EEFSEC: variants seen among roughly 807,000 people sequenced by gnomAD.
EEFSEC encodes selenocysteine-specific elongation factor.
Under a neutral mutation model 42.1 loss-of-function variants are expected in EEFSEC, and 43 were observed. The ratio of observed to expected loss-of-function variants is 1.02; its 90% CI spans 0.80 to 1.32. The LOEUF is 1.32. Among genes scored for constraint, EEFSEC ranks in the 40% most tolerant of loss-of-function variants. EEFSEC has a pLI of 0.00. For synonymous variants in EEFSEC, 354 were observed against 339.1 expected (o/e 1.04, Z -0.48); for missense variants, 745 against 803.6 (o/e 0.93, Z 0.88).
intron 6 of EEFSEC, among the ~76,000 whole-genome samples, chr3:128,363,886 G>A (rs973306721): frequency 6.6e-6 from 1 of 152,214 alleles, no homozygotes. Flanking sequence ...CTGGTGCTTT[G>A]TGTGCTACAG....
chr3:128,424,978 A>G, the EEFSEC span, among the ~76,000 whole-genome samples: 2 of 152,044 alleles, frequency 1.3e-5, no homozygotes, highest in African/African-American at 2.4e-5. Flanking sequence ...CTCACCAAGC[A>G]GGTAGGACTG....
chr3:128,233,830 T>C (rs2065982287), intron 1 of EEFSEC, among the ~76,000 whole-genome samples: 1 of 152,194 alleles, frequency 6.6e-6, no homozygotes, highest in Admixed American at 6.5e-5. Context: ...GCTGTGTGAC[T>C]GAGGGCAAGT....
intron 6 of EEFSEC, among the ~76,000 whole-genome samples, chr3:128,369,841 G>A (rs1276994443): frequency 6.6e-6 from 1 of 152,178 alleles, no homozygotes; most frequent in East Asian, 1.9e-4. Flanking sequence ...TGTGCGCCGA[G>A]CCGACTGAGG....
At chr3:128,230,577 C>T (rs2065950591) in intron 1 of EEFSEC, among the ~76,000 whole-genome samples, 1 of 152,210 alleles carries the variant, frequency 6.6e-6, no homozygotes, top group Non-Finnish European at 1.5e-5. Flanking sequence ...TCATAATGAT[C>T]ACTTTCATGA....
At chr3:128,346,264 T>A (rs2067311367) in intron 5 of EEFSEC, among the ~76,000 whole-genome samples, 1 of 152,256 alleles carries the variant, frequency 6.6e-6, no homozygotes, top group Non-Finnish European at 1.5e-5. Context: ...TGGATTCTTC[T>A]TTCAGCTGCT....
chr3:128,348,295 T>TGTGTGTGTGTGTGTGTGTGTGTGTGC (rs2067341485), intron 5 of EEFSEC, among the ~76,000 whole-genome samples: 1 of 150,224 alleles, frequency 6.7e-6, no homozygotes, highest in East Asian at 1.9e-4. Flanking sequence ...TGTGTGTGCG[T>TGTGTGTGTGTGTGTGTGTGTGTGTGC]GTGTGTGTGT....
chr3:128,164,762 C>T lies in EEFSEC; in HGVS notation c.316+10939C>T, dbSNP rs371350947. 6.6e-5 allele frequency among the ~76,000 whole-genome samples: 10 copies of T among 152,062 alleles called. No individual in the cohort carries two copies. In the East Asian group the frequency reaches 9.7e-4, roughly 15 times the overall value. On this transcript the variant is annotated intron_variant, in intron 1 of 6. Coordinates refer to ENST00000254730, the MANE Select transcript of EEFSEC (RefSeq NM_021937.5). ...CAGGCCAAGCTTCCAGAGGGTAGCC[C>T]GGACCAGATCTCAGGAGCCGGGAGA...
intron 5 of EEFSEC, among the ~76,000 whole-genome samples, chr3:128,344,713 G>A (rs1256749584): frequency 3.9e-5 from 6 of 152,216 alleles, no homozygotes; most frequent in Non-Finnish European, 8.8e-5. Flanking sequence ...GGTGGAACTT[G>A]GAGATCATAC....
At chr3:128,319,131 T>C (rs1380677395) in intron 4 of EEFSEC, among the ~76,000 whole-genome samples, 1 of 152,216 alleles carries the variant, frequency 6.6e-6, no homozygotes, top group Non-Finnish European at 1.5e-5. Context: ...TCATGTTAAG[T>C]GCCATTCCTT....
At position 128,312,570 on chromosome 3, in the gene EEFSEC, G is replaced by A. The variant is rs143850976; in HGVS notation, c.787-28663G>A. 1.9e-3 allele frequency among the ~76,000 whole-genome samples: 295 copies of A among 152,380 alleles called. 3 individuals are homozygous for A. Among genetic ancestry groups the A allele is most frequent in the African/African-American group, 6.5e-3 (271 of 41,598 alleles). On this transcript the variant is annotated intron_variant, in intron 4 of 6. Coordinates refer to ENST00000254730, the MANE Select transcript of EEFSEC (RefSeq NM_021937.5). The stretch of plus-strand genomic sequence containing the variant: ...TCACCCTCCAAGGAAGGACAGAGGC[G>A]TCCATGGTTGTTGAAAAGCGGAATG...
At chr3:128,227,366 A>G (rs2065918710) in intron 1 of EEFSEC, among the ~76,000 whole-genome samples, 1 of 150,790 alleles carries the variant, frequency 6.6e-6, no homozygotes, top group African/African-American at 2.5e-5. Context: ...ACAATTTCTT[A>G]GGTCCACTCT....
chr3:128,164,537 G>A (rs1235055140), intron 1 of EEFSEC, among the ~76,000 whole-genome samples: 1 of 152,212 alleles, frequency 6.6e-6, no homozygotes, highest in Non-Finnish European at 1.5e-5. Flanking sequence ...TGGTCAGGGT[G>A]GCTGGCACTT....
intron 3 of EEFSEC, 101 bp from the exon 4 acceptor site, chr3:128,264,507 ACCTTGGCAG>A: frequency 7.7e-7 from 1 of 1,302,750 alleles, no homozygotes; most frequent in East Asian, 2.3e-5. Context: ...AGCTGAGTTC[ACCTTGGCAG>A]CCTTGATGAA....
At chr3:128,265,712 A>G (rs765546871) in intron 4 of EEFSEC, among the ~76,000 whole-genome samples, 1 of 152,176 alleles carries the variant, frequency 6.6e-6, no homozygotes, top group Non-Finnish European at 1.5e-5. Context: ...TTAATTGGGA[A>G]TGGCTACCTG....
chr3:128,422,075 C>G, the EEFSEC span, among the ~76,000 whole-genome samples: 1 of 152,296 alleles, frequency 6.6e-6, no homozygotes, highest in Non-Finnish European at 1.5e-5. Flanking sequence ...CCAGAGCCAT[C>G]TCTGAACCCT....
chr3:128,162,251 G>C (rs1227229961), intron 1 of EEFSEC, among the ~76,000 whole-genome samples: 1 of 152,168 alleles, frequency 6.6e-6, no homozygotes, highest in African/African-American at 2.4e-5. Flanking sequence ...ACCATAACTA[G>C]AAGATTCTAC....
chr3:128,190,817 CT>C (rs2065516085), intron 1 of EEFSEC, among the ~76,000 whole-genome samples: 1 of 152,088 alleles, frequency 6.6e-6, no homozygotes, highest in Non-Finnish European at 1.5e-5. Context: ...TTTACTGTCC[CT>C]TTTTTATGTT....
intron 5 of EEFSEC, among the ~76,000 whole-genome samples, chr3:128,349,197 G>T (rs1281998836): frequency 6.6e-6 from 1 of 152,164 alleles, no homozygotes; most frequent in Non-Finnish European, 1.5e-5. Context: ...GAGGCAGGCA[G>T]GGCCAGCCAT....
At chr3:128,206,722 G>C (rs761367460) in intron 1 of EEFSEC, among the ~76,000 whole-genome samples, 1 of 152,116 alleles carries the variant, frequency 6.6e-6, no homozygotes, top group Non-Finnish European at 1.5e-5. Flanking sequence ...ATATTATTTC[G>C]ATCCTCATAG....
Sources: allele counts gnomAD v4.1 joint callset (sites outside exome capture counted in the v4.1 genomes callset), GRCh38; gene constraint gnomAD v4.1.1; transcripts MANE v1.5; gene names NCBI Gene and HGNC (gene_info 2026-07-23, HGNC 2026-07-21).